The following FAM53B variants were observed in gnomAD, a reference collection of about 807,000 sequenced individuals.
FAM53B encodes protein FAM53B.
Under a neutral mutation model 32.7 loss-of-function variants are expected in FAM53B, and 12 were observed. The ratio of observed to expected loss-of-function variants is 0.37; its 90% CI spans 0.24 to 0.59. The LOEUF is 0.59. FAM53B is among the 20% of genes least tolerant of loss of function. The pLI, the probability that FAM53B is intolerant of heterozygous loss-of-function variation, is 0.72. For synonymous variants in FAM53B, 234 were observed against 228.7 expected (o/e 1.02, Z -0.21); for missense variants, 477 against 577.7 (o/e 0.83, Z 1.79).
intron 4 of FAM53B, among the ~76,000 whole-genome samples, chr10:124,630,584 G>A (rs11599339): frequency 0.19 from 28,942 of 152,160 alleles, 2,993 homozygotes; most frequent in East Asian, 0.29. Flanking sequence ...GGTTGCCAGG[G>A]CCTGAAAATA....
intron 2 of FAM53B, among the ~76,000 whole-genome samples, chr10:124,696,523 G>A (rs1426593416): frequency 1.3e-5 from 2 of 152,178 alleles, no homozygotes; most frequent in Non-Finnish European, 2.9e-5. Flanking sequence ...CCCGGGGGCA[G>A]GATGGATGGT....
intron 1 of FAM53B, among the ~76,000 whole-genome samples, chr10:124,728,951 C>T (rs531104192): frequency 1.3e-5 from 2 of 152,356 alleles, no homozygotes; most frequent in East Asian, 3.9e-4. Context: ...TCAAGCCAGG[C>T]TCTAGCCCAT....
intron 4 of FAM53B, among the ~76,000 whole-genome samples, chr10:124,645,351 T>C (rs547978629): frequency 1.3e-5 from 2 of 152,326 alleles, no homozygotes; most frequent in African/African-American, 4.8e-5. Context: ...ATAATAACAA[T>C]AACACTAATT....
At chr10:124,700,897 C>G (rs1056457482) in intron 2 of FAM53B, among the ~76,000 whole-genome samples, 1 of 152,182 alleles carries the variant, frequency 6.6e-6, no homozygotes, top group Admixed American at 6.5e-5. Flanking sequence ...CCCACACTTC[C>G]GAAATGCAAC....
intron 4 of FAM53B, among the ~76,000 whole-genome samples, chr10:124,626,233 G>A (rs762907382): frequency 4.7e-4 from 72 of 152,354 alleles, no homozygotes; most frequent in Non-Finnish European, 2.9e-4. Flanking sequence ...GACAGACGCC[G>A]CACAGCGCTT....
intron 4 of FAM53B, among the ~76,000 whole-genome samples, chr10:124,678,853 G>A (rs988617848): frequency 2.0e-5 from 3 of 152,158 alleles, no homozygotes; most frequent in Non-Finnish European, 2.9e-5. Flanking sequence ...TGGCCACACC[G>A]AATGATGGCC....
intron 1 of FAM53B, among the ~76,000 whole-genome samples, chr10:124,735,701 C>T (rs1015606312): frequency 2.0e-5 from 3 of 152,214 alleles, no homozygotes; most frequent in Non-Finnish European, 4.4e-5. Flanking sequence ...CCACAGGCTG[C>T]GTGAGATACT....
At chr10:124,725,398 T>C (rs188088796) in intron 1 of FAM53B, among the ~76,000 whole-genome samples, 3 of 146,318 alleles carry the variant, frequency 2.1e-5, no homozygotes, top group African/African-American at 4.9e-5. Flanking sequence ...ATTCTGGACA[T>C]GGTTAAGCAC....
Position 124,647,171 on chromosome 10 carries a change from C to T in FAM53B, c.907-23567G>A, listed in dbSNP as rs1401653662. On this transcript the variant is annotated intron_variant, in intron 4 of 4. Transcript: ENST00000337318. ...GCTGTGCTGGGCACTCTGCCAAGCACGTGGGGAAAATATCATCTCATTTAA... is the reference window on the plus strand; with the variant it reads ...GCTGTGCTGGGCACTCTGCCAAGCATGTGGGGAAAATATCATCTCATTTAA... Among the ~76,000 whole-genome samples, 4 of 152,144 alleles carry T rather than the reference C, an allele frequency of 2.6e-5. No homozygotes were observed. In the East Asian group the frequency reaches 5.8e-4, roughly 22 times the overall value.
At chr10:124,726,994 C>T (rs111321049) in intron 1 of FAM53B, among the ~76,000 whole-genome samples, 3 of 152,218 alleles carry the variant, frequency 2.0e-5, no homozygotes, top group African/African-American at 7.2e-5. Flanking sequence ...CTATTAAAAT[C>T]CAGAAGGCAC....
rs564146406 is a variant in FAM53B, at chr10:124,733,333, G to A, written c.-175+10680C>T. Reference sequence around the variant, plus strand: ...GGAATCTGGGCTGGCATCTGAGGGCGGTGGAGGCCTCAGGCGCACTGGCCG... The same window carrying A: ...GGAATCTGGGCTGGCATCTGAGGGCAGTGGAGGCCTCAGGCGCACTGGCCG... On this transcript the variant is annotated intron_variant, in intron 1 of 4. Transcript: ENST00000337318. The surrounding 1 kb of genome is among the most constrained non-coding windows in gnomAD (Gnocchi z 4.3). Among the ~76,000 whole-genome samples the A allele has an allele frequency of 4.2e-4, 64 of 152,282 alleles. No individual in the cohort carries two copies. The highest frequency in any genetic ancestry group is 1.5e-3 in the African/African-American group (61 of 41,566).
chr10:124,711,959 A>C (rs1282699841), intron 1 of FAM53B, among the ~76,000 whole-genome samples: 1 of 152,160 alleles, frequency 6.6e-6, no homozygotes, highest in Non-Finnish European at 1.5e-5. Context: ...GGTACTCAGA[A>C]GTCTGAGGCA....
chr10:124,721,640 A>G (rs1589763668), intron 1 of FAM53B, among the ~76,000 whole-genome samples: 2 of 152,270 alleles, frequency 1.3e-5, no homozygotes, highest in African/African-American at 4.8e-5. Context: ...CTTCCTCAAG[A>G]CTCAGCAGAA....
Position 124,733,523 on chromosome 10 carries a change from A to C in FAM53B, c.-175+10490T>G, listed in dbSNP as rs1006672644. The stretch of plus-strand genomic sequence containing the variant: ...GGTTAGGTGCCTGTTTTTCCCTTTA[A>C]AGAAAAAAAAAAGGTAGTTTTACAC... On this transcript the variant is annotated intron_variant, in intron 1 of 4. Transcript: ENST00000337318. This position sits in a 1 kb window ranked among gnomAD's most constrained non-coding sequence, Gnocchi z 4.3. Among the ~76,000 whole-genome samples the C allele has an allele frequency of 1.3e-5, 2 of 152,144 alleles. No individual in the cohort carries two copies. Among genetic ancestry groups the C allele is most frequent in the Admixed American group, 6.5e-5 (1 of 15,278 alleles).
intron 1 of FAM53B, among the ~76,000 whole-genome samples, chr10:124,725,459 A>G (rs1441127935): frequency 6.6e-6 from 1 of 152,238 alleles, no homozygotes; most frequent in East Asian, 1.9e-4. Flanking sequence ...ACCTGAAACA[A>G]AGGGCGCCCA....
At chr10:124,644,703 G>C (rs1253267914) in intron 4 of FAM53B, among the ~76,000 whole-genome samples, 1 of 152,180 alleles carries the variant, frequency 6.6e-6, no homozygotes, top group Non-Finnish European at 1.5e-5. Context: ...TTCCCACATG[G>C]CTGTGGGTAG....
intron 1 of FAM53B, chr10:124,742,984 C>G (rs1035893441): frequency 6.6e-6 from 1 of 152,326 alleles, no homozygotes; most frequent in East Asian, 1.9e-4. Flanking sequence ...TTAATGAGCC[C>G]GGGCGGTCAG....
In FAM53B at chr10:124,651,809, A is replaced by G. The variant is rs1378343154; in HGVS notation, c.907-28205T>C. 1.3e-5 allele frequency among the ~76,000 whole-genome samples: 2 copies of G among 152,208 alleles called. No homozygotes were observed. Among genetic ancestry groups the G allele is most frequent in the African/African-American group, 4.8e-5 (2 of 41,452 alleles). ...CGGGGACACGCCACCCCTGCTGTCT[A>G]CTATGACTGGGCCTGGAACGTTCAC... On this transcript the variant is annotated intron_variant, in intron 4 of 4. Transcript: ENST00000337318. This position sits in a 1 kb window ranked among gnomAD's most constrained non-coding sequence, Gnocchi z 5.2.
intron 4 of FAM53B, among the ~76,000 whole-genome samples, chr10:124,670,593 G>A (rs954892280): frequency 2.0e-5 from 3 of 152,022 alleles, no homozygotes; most frequent in Non-Finnish European, 4.4e-5. Context: ...CCGCAGCCTC[G>A]CCATGCCCTG....
Sources: allele counts gnomAD v4.1 joint callset (sites outside exome capture counted in the v4.1 genomes callset), GRCh38; gene constraint gnomAD v4.1.1; non-coding constraint Gnocchi (gnomAD v3.1); transcripts MANE v1.5; gene names NCBI Gene and HGNC (gene_info 2026-07-23, HGNC 2026-07-21).